Variants in NBPF9 observed in about 807,000 individuals in gnomAD.
NBPF9 encodes NBPF member 9.
In NBPF9, 91 loss-of-function variants were observed where a neutral mutation model predicts 97.8. That is an observed-to-expected ratio of 0.93 (90% CI 0.79 to 1.11). The LOEUF is 1.11. Among genes scored for constraint, NBPF9 ranks in the 50% least tolerant of loss-of-function variants. NBPF9 has a pLI of 0.00. For synonymous variants in NBPF9, 334 were observed against 359.5 expected (o/e 0.93, Z 0.80); for missense variants, 992 against 939.5 (o/e 1.06, Z -0.73).
exon 6 of NBPF9, chr1:149,082,292 G>A (rs1365853665): frequency 2.6e-6 from 4 of 1,554,690 alleles, no homozygotes; most frequent in Non-Finnish European, 3.5e-6. Flanking sequence ...TGAAAAATGT[G>A]ATCACTCCCA....
At chr1:149,056,216 T>A (rs1347122464) in intron 29 of NBPF9, among the ~76,000 whole-genome samples, 9 of 148,444 alleles carry the variant, frequency 6.1e-5, no homozygotes, top group African/African-American at 2.3e-4. Context: ...CACAGCAAAC[T>A]GTGATCATGA....
chr1:149,069,074 T>G (rs1368105053), intron 17 of NBPF9, among the ~76,000 whole-genome samples: 1 of 152,080 alleles, frequency 6.6e-6, no homozygotes, highest in Non-Finnish European at 1.5e-5. Flanking sequence ...TTGAAACCAA[T>G]GAGAACAAAG....
chr1:149,084,428 TTA>T (rs1186413462), intron 5 of NBPF9, among the ~76,000 whole-genome samples: 5,765 of 145,910 alleles, frequency 0.04, 406 homozygotes, highest in African/African-American at 0.14. Flanking sequence ...TGTATATATA[TTA>T]TATATATATA....
exon 30 of NBPF9, chr1:149,055,845 C>A (rs1553648705): frequency 6.2e-7 from 1 of 1,606,212 alleles, no homozygotes; most frequent in Non-Finnish European, 8.5e-7. Flanking sequence ...AACATCCATC[C>A]AGTGAGTCCT....
chr1:149,078,885 A>T, intron 9 of NBPF9, 122 bp downstream of exon 9: 1 of 1,577,436 alleles, frequency 6.3e-7, no homozygotes. Context: ...TGATCGTGTC[A>T]TGGCCACATA....
intron 7 of NBPF9, 34 bp downstream of exon 7, chr1:149,081,931 A>G: frequency 2.1e-6 from 3 of 1,439,876 alleles, no homozygotes; most frequent in South Asian, 2.3e-5. Flanking sequence ...GACATCATTC[A>G]TCACTTTCAT....
Position 149,061,387 on chromosome 1 carries a change from C to A in NBPF9, c.2252-4G>T, listed in dbSNP as rs1489412394. The A allele has an allele frequency of 2.6e-6, 1 of 385,324 alleles. No individual in the cohort carries two copies. The highest frequency in any genetic ancestry group is 3.2e-5 in the African/African-American group (1 of 31,664). 23.9% of individuals were successfully genotyped at this position (385,324 alleles called of 1,614,324 possible). A position where few individuals can be genotyped will look rare whatever the true frequency, so the allele number is the denominator to read the frequency against. On this transcript the variant is annotated splice_region_variant and splice_polypyrimidine_tract_variant and intron_variant, in intron 22 of 29. Transcript: ENST00000584027. ...TCTTCTTGGTCCTTTTTAATTCCTG[C>A]AATACATTCAGACAGGGACAGACAA...
At position 149,061,087 on chromosome 1, in the gene NBPF9, T is replaced by A. The variant is rs1381992501; in HGVS notation, c.2303+245A>T. 2.1e-5 allele frequency: 9 copies of A among 422,296 alleles called. 2 individuals are homozygous for A. The highest frequency in any genetic ancestry group is 3.5e-5 in the Non-Finnish European group (8 of 227,418). The allele number at this position is 422,296 out of a possible 1,614,324, so 26.2% of individuals were successfully genotyped here. A position where few individuals can be genotyped will look rare whatever the true frequency, so the allele number is the denominator to read the frequency against. On this transcript the variant is annotated intron_variant, in intron 23 of 29. Transcript: ENST00000584027. ...TCCATAAAATGTGCTCAAATTTCCA[T>A]GCAGTCGCCATGAGAATAGAGTTTT... is the stretch of plus-strand genomic sequence containing the variant.
At position 149,067,265 on chromosome 1, in the gene NBPF9, A is replaced by G. The variant is rs1341115361; in HGVS notation, c.1638-1576T>C. On this transcript the variant is annotated intron_variant, in intron 17 of 29. Coordinates refer to ENST00000584027, the Ensembl canonical transcript of NBPF9. ...ATATTCAACATTCTTTTTTTTTTCC[A>G]TATGTATAGTTTTCCTTTATTATTT... 3.3e-5 allele frequency among the ~76,000 whole-genome samples: 4 copies of G among 122,614 alleles called. 1 individual carries two copies. Among genetic ancestry groups the G allele is most frequent in the Non-Finnish European group, 7.0e-5 (4 of 57,482 alleles). The allele number at this position is 122,614 out of a possible 152,430, so 80.4% of individuals were successfully genotyped here. A position where few individuals can be genotyped will look rare whatever the true frequency, so the allele number is the denominator to read the frequency against.
At chr1:149,069,286 G>A (rs1553652438) in intron 17 of NBPF9, among the ~76,000 whole-genome samples, 1 of 151,804 alleles carries the variant, frequency 6.6e-6, no homozygotes, top group Non-Finnish European at 1.5e-5. Flanking sequence ...CAGAACTAAA[G>A]GAGATAGAGA....
chr1:149,069,103 T>A (rs587600516), intron 17 of NBPF9, among the ~76,000 whole-genome samples: 1 of 152,148 alleles, frequency 6.6e-6, no homozygotes, highest in East Asian at 1.9e-4. Context: ...TACCAGAATC[T>A]CTGGGACACA....
intron 17 of NBPF9, among the ~76,000 whole-genome samples, chr1:149,068,608 AG>A (rs1364302423): frequency 6.6e-6 from 1 of 151,446 alleles, no homozygotes; most frequent in African/African-American, 2.4e-5. Flanking sequence ...CCTATACAGG[AG>A]CACCCAGATT....
intron 5 of NBPF9, among the ~76,000 whole-genome samples, chr1:149,082,707 G>T (rs1310991396): frequency 4.9e-5 from 7 of 142,642 alleles, no homozygotes; most frequent in Non-Finnish European, 1.1e-4. Context: ...TTCCCAACAG[G>T]TTATATTTTC....
Position 149,065,862 on chromosome 1 carries a change from G to T in NBPF9, c.1638-173C>A, listed in dbSNP as rs1251648196. The T allele has an allele frequency of 5.1e-6, 4 of 789,782 alleles. No individual in the cohort carries two copies. The African/African-American group carries it at 7.0e-5, about 14-fold the overall frequency. The allele number at this position is 789,782 out of a possible 1,614,324, so 48.9% of individuals were successfully genotyped here. ...TCTAAATACAGGGTGGAGGGTGACT[G>T]CTCTGGGGACAGAGCAAAAATGGGC... is the stretch of plus-strand genomic sequence containing the variant. On this transcript the variant is annotated intron_variant, in intron 17 of 29. Transcript: ENST00000584027.
intron 29 of NBPF9, among the ~76,000 whole-genome samples, chr1:149,056,302 AGTATG>A (rs2078238868): frequency 1.5e-5 from 2 of 129,328 alleles, no homozygotes; most frequent in Non-Finnish European, 3.2e-5. Flanking sequence ...CAGCTTTTGA[AGTATG>A]GTCAACCTAT....
At chr1:149,097,367 A>T (rs1480510177) in intron 4 of NBPF9, among the ~76,000 whole-genome samples, 1 of 152,134 alleles carries the variant, frequency 6.6e-6, no homozygotes, top group Non-Finnish European at 1.5e-5. Flanking sequence ...CTCCTCTGAA[A>T]CACATTATTC....
chr1:149,099,409 T>C (rs2081999333), intron 3 of NBPF9, among the ~76,000 whole-genome samples: 1 of 145,674 alleles, frequency 6.9e-6, no homozygotes, highest in African/African-American at 2.8e-5. Flanking sequence ...TGGTGAAAAC[T>C]GTGACACTTG....
At chr1:149,058,813 C>A (rs1294478646) in intron 26 of NBPF9, 112 bp downstream of exon 26, 4 of 704,028 alleles carry the variant, frequency 5.7e-6, no homozygotes, top group Admixed American at 4.0e-5. Context: ...CCCATAGGTC[C>A]TGCCTGTGGC....
At chr1:149,086,899 C>T (rs641892) in intron 5 of NBPF9, among the ~76,000 whole-genome samples, 2 of 152,126 alleles carry the variant, frequency 1.3e-5, no homozygotes, top group South Asian at 2.1e-4. Context: ...TGTAAATTCC[C>T]AGGAATGGAA....
Sources: gnomAD v4.1 joint callset for allele counts (sites outside exome capture counted in the v4.1 genomes callset) on GRCh38, gnomAD v4.1.1 for gene constraint, MANE v1.5 for transcripts, NCBI Gene and HGNC (gene_info 2026-07-23, HGNC 2026-07-21) for gene names.